Variants in ARHGEF7 observed in about 807,000 individuals in gnomAD.
The protein encoded by ARHGEF7 is Rho guanine nucleotide exchange factor 7, also known as PAK-interacting exchange factor beta.
Under a neutral mutation model 109.8 loss-of-function variants are expected in ARHGEF7, and 33 were observed. That is an observed-to-expected ratio of 0.30 (90% CI 0.23 to 0.40). The LOEUF (loss-of-function observed/expected upper bound fraction) is 0.40. Among genes scored for constraint, ARHGEF7 ranks in the 10% least tolerant of loss-of-function variants. The pLI is 1.00. For missense variants in ARHGEF7, 938 were observed against 1,098.5 expected, an observed-to-expected ratio of 0.85 and a Z score of 2.07; for synonymous variants, 458 against 424.6, an observed-to-expected ratio of 1.08 and a Z score of -0.97.
At chr13:111,175,152 A>G (rs1285559576) in intron 2 of ARHGEF7, among the ~76,000 whole-genome samples, 1 of 152,168 alleles carries the variant, frequency 6.6e-6, no homozygotes, top group Non-Finnish European at 1.5e-5. Flanking sequence ...TTCTTTTCGT[A>G]ATAGTTCACT....
At chr13:111,232,012 T>TAGAACCAATGTTAGATATAC (rs1427130098) in intron 5 of ARHGEF7, among the ~76,000 whole-genome samples, 3 of 152,124 alleles carry the variant, frequency 2.0e-5, no homozygotes, top group African/African-American at 7.2e-5. Context: ...ACAGAATCCG[T>TAGAACCAATGTTAGATATAC]AGAACCAATG....
In ARHGEF7 at chr13:111,301,481, T is replaced by C. The variant is rs752867564; in HGVS notation, c.2415T>C (p.Ser805=). 1.5e-5 allele frequency: 24 copies of C among 1,613,058 alleles called. No individual in the cohort carries two copies. The Middle Eastern group carries it at 1.2e-3, about 78-fold the overall frequency. ...SNGQTVIEEK[S]LVDTVYALKD... Reference sequence around the variant, plus strand: ...TGTGTTCTGTTTCCTGTTTCAGGAGTCTTGTGGATACCGTATATGCATTAA... The same window carrying C: ...TGTGTTCTGTTTCCTGTTTCAGGAGCCTTGTGGATACCGTATATGCATTAA... Residue 805 remains serine, a synonymous_variant, in exon 21 of 22, where the codon AGT becomes AGC. Coordinates refer to ENST00000646102, the MANE Select transcript of ARHGEF7 (RefSeq NM_001354046.2).
intron 1 of ARHGEF7, chr13:111,122,671 C>G (rs1406849104): frequency 6.6e-6 from 1 of 152,238 alleles, no homozygotes; most frequent in Non-Finnish European, 1.5e-5. Flanking sequence ...TGTGTGCGTG[C>G]TAGTGACCCA....
chr13:111,233,345 A>C (rs906660504), intron 6 of ARHGEF7, 52 bp downstream of exon 6: 2 of 1,409,584 alleles, frequency 1.4e-6, no homozygotes, highest in African/African-American at 2.8e-5. Context: ...CTGCCTGTAA[A>C]ACTCAGCAAT....
chr13:111,179,082 T>TTC (rs1447211860), intron 2 of ARHGEF7, among the ~76,000 whole-genome samples: 1,285 of 117,604 alleles, frequency 0.011, 13 homozygotes, highest in Middle Eastern at 0.05. Context: ...ATGCCTGTTC[T>TTC]TTTTTTTTTT....
chr13:111,172,022 C>T (rs956378598), intron 2 of ARHGEF7, among the ~76,000 whole-genome samples: 4 of 152,178 alleles, frequency 2.6e-5, no homozygotes, highest in Non-Finnish European at 4.4e-5. Flanking sequence ...GCTTATGAGC[C>T]GCCCAGGTTA....
chr13:111,122,200 C>T (rs1251123102), intron 1 of ARHGEF7, among the ~76,000 whole-genome samples: 2 of 152,180 alleles, frequency 1.3e-5, no homozygotes, highest in Non-Finnish European at 2.9e-5. Context: ...GGCGCAGCTG[C>T]TGAGTGCACA....
At chr13:111,174,051 CT>C (rs1407129895) in intron 2 of ARHGEF7, among the ~76,000 whole-genome samples, 2 of 152,164 alleles carry the variant, frequency 1.3e-5, no homozygotes, top group East Asian at 1.9e-4. Flanking sequence ...AGCCCTCCCC[CT>C]GTACTATTCG....
chr13:111,262,964 T>C (rs1395423415), intron 8 of ARHGEF7, among the ~76,000 whole-genome samples: 1 of 152,264 alleles, frequency 6.6e-6, no homozygotes, highest in Non-Finnish European at 1.5e-5. Flanking sequence ...GGCCTTGATG[T>C]AGCCCCTGTG....
At chr13:111,171,327 T>C (rs1411927978) in intron 2 of ARHGEF7, among the ~76,000 whole-genome samples, 25 of 152,208 alleles carry the variant, frequency 1.6e-4, no homozygotes, top group Non-Finnish European at 8.8e-5. Flanking sequence ...CAAGCCTAGC[T>C]TGGGAGCTGC....
chr13:111,254,420 A>G (rs1337708446), intron 8 of ARHGEF7, among the ~76,000 whole-genome samples: 139 of 130,766 alleles, frequency 1.1e-3, no homozygotes, highest in African/African-American at 1.7e-3. Context: ...AGTCACTAAC[A>G]TGAAGGCCGG....
intron 2 of ARHGEF7, chr13:111,182,597 A>G (rs945951728): frequency 6.6e-6 from 1 of 152,202 alleles, no homozygotes; most frequent in African/African-American, 2.4e-5. Flanking sequence ...TTCAGCTTTG[A>G]TGGAGTTGGC....
At chr13:111,254,327 AT>A (rs1405570716) in intron 8 of ARHGEF7, among the ~76,000 whole-genome samples, 1 of 152,256 alleles carries the variant, frequency 6.6e-6, no homozygotes, top group African/African-American at 2.4e-5. Flanking sequence ...TAAAAATGTG[AT>A]TTTGAGTCAA....
Position 111,274,762 on chromosome 13 carries a change from A to C in ARHGEF7, c.1244A>C (p.Lys415Thr). The change falls in exon 11 of 22, where the codon AAA becomes ACA. Residue 415 changes from lysine to threonine, a missense_variant. Transcript: ENST00000646102. The part of the protein sequence containing the change: ...DYHTDRQDIQ[K>T]SMAAFKNLSA... ...CATACAGATAGACAAGATATTCAAA[A>C]ATCCATGGCTGCCTTCAAAAACCTT... 1 of 1,505,480 alleles carries C rather than the reference A, an allele frequency of 6.6e-7. No individual in the cohort carries two copies. Among genetic ancestry groups the C allele is most frequent in the Non-Finnish European group, 8.9e-7 (1 of 1,127,370 alleles). 93.3% of individuals were successfully genotyped at this position (1,505,480 alleles called of 1,614,324 possible).
chr13:111,276,253 C>T (rs1167488272), intron 12 of ARHGEF7, among the ~76,000 whole-genome samples: 1 of 152,124 alleles, frequency 6.6e-6, no homozygotes, highest in African/African-American at 2.4e-5. Context: ...TGAACAGGCA[C>T]CTCTTTCTGA....
chr13:111,276,825 C>T (rs1453757776), intron 12 of ARHGEF7, among the ~76,000 whole-genome samples: 2 of 152,184 alleles, frequency 1.3e-5, no homozygotes, highest in Admixed American at 1.3e-4. Context: ...ATTCCTAGGA[C>T]TGATTTCACT....
chr13:111,190,804 G>T (rs2079795153), intron 2 of ARHGEF7, among the ~76,000 whole-genome samples: 1 of 152,156 alleles, frequency 6.6e-6, no homozygotes, highest in African/African-American at 2.4e-5. Context: ...CACATAAGAA[G>T]AATACATCTT....
At chr13:111,205,525 T>C (rs1409672054) in intron 3 of ARHGEF7, 152 bp downstream of exon 3, 3 of 571,108 alleles carry the variant, frequency 5.3e-6, no homozygotes, top group Non-Finnish European at 9.2e-6. Context: ...TTTGCTGTGA[T>C]ATTTTATTTG....
chr13:111,147,471 C>G (rs1365207676), intron 1 of ARHGEF7, among the ~76,000 whole-genome samples: 1 of 152,164 alleles, frequency 6.6e-6, no homozygotes, highest in Admixed American at 6.5e-5. Context: ...GCTCACTGAC[C>G]ATTCGTTTGT....
Sources: allele counts gnomAD v4.1 joint callset (sites outside exome capture counted in the v4.1 genomes callset), GRCh38; gene constraint gnomAD v4.1.1; transcripts MANE v1.5; gene names NCBI Gene and HGNC (gene_info 2026-07-23, HGNC 2026-07-21).